MPRIP: variants seen among roughly 807,000 people sequenced by gnomAD.
MPRIP encodes the protein myosin phosphatase Rho-interacting protein.
In MPRIP, 59 loss-of-function variants were observed where a neutral mutation model predicts 234.9. The ratio of observed to expected loss-of-function variants is 0.25; its 90% CI spans 0.20 to 0.31. The LOEUF (loss-of-function observed/expected upper bound fraction) is 0.31. Ranked by LOEUF, MPRIP falls within the 10% of genes least tolerant of loss-of-function variation. The pLI is 1.00. For missense variants in MPRIP, 2,436 were observed against 3,071.0 expected (o/e 0.79, Z 4.89); for synonymous variants, 1,144 against 1,263.9 (o/e 0.91, Z 2.01).
At chr17:17,171,984 T>G in intron 17 of MPRIP, 119 bp downstream of exon 17, 2 of 1,187,068 alleles carry the variant, frequency 1.7e-6, no homozygotes, top group Non-Finnish European at 2.3e-6. Flanking sequence ...TAAACTTCAT[T>G]GTTGAAGGGT....
At position 17,171,558 on chromosome 17, in the gene MPRIP, C is replaced by G. The variant is rs1597505469; in HGVS notation, c.6325-160C>G. On this transcript the variant is annotated intron_variant, in intron 16 of 23. Transcript: ENST00000651222. ...CATTGCTGAGAATCCCCAGACAGCC[C>G]CAGGGATCCTGTTCAGGGCGCCCAT... 2.6e-5 allele frequency: 21 copies of G among 813,030 alleles called. No individual in the cohort carries two copies. In the East Asian group the frequency reaches 5.2e-4, roughly 20 times the overall value. The allele number at this position is 813,030 out of a possible 1,614,324, so 50.4% of individuals were successfully genotyped here. A position where few individuals can be genotyped will look rare whatever the true frequency, so the allele number is the denominator to read the frequency against.
chr17:17,076,890 C>T (rs569141290), intron 2 of MPRIP, among the ~76,000 whole-genome samples: 3 of 150,340 alleles, frequency 2.0e-5, no homozygotes, highest in African/African-American at 4.9e-5. Context: ...AGTCAGTTCA[C>T]GTGGCCTCAC....
At position 17,165,806 on chromosome 17, in the gene MPRIP, G is replaced by A. The variant is rs1438993969; in HGVS notation, c.4215G>A (p.Glu1405=). The A allele has an allele frequency of 7.7e-7, 1 of 1,304,354 alleles. No individual in the cohort carries two copies. Among genetic ancestry groups the A allele is most frequent in the Non-Finnish European group, 1.0e-6 (1 of 988,926 alleles). 80.8% of individuals were successfully genotyped at this position (1,304,354 alleles called of 1,614,324 possible). A position where few individuals can be genotyped will look rare whatever the true frequency, so the allele number is the denominator to read the frequency against. The change falls in exon 16 of 24, where the codon GAG becomes GAA. Residue 1405 remains glutamate (E), a synonymous_variant. Transcript: ENST00000651222. ...EKLKDVTVRL[E]SQQGQSREAL... ...TCAAAGACGTGACCGTGAGGCTGGA[G>A]AGCCAGCAGGGTCAGAGCCGTGAGG...
At position 17,166,043 on chromosome 17, in the gene MPRIP, A is replaced by G. The variant is rs1361481232; in HGVS notation, c.4452A>G (p.Glu1484=). ...QALMCLENCR[E]QLRSLPRASQ... ...TGATGTGCCTGGAAAATTGCCGAGA[A>G]CAACTGAGATCTCTGCCTAGGGCCA... Residue 1484 remains glutamate (E), a synonymous_variant, in exon 16 of 24, where the codon GAA becomes GAG. Coordinates refer to ENST00000651222, the MANE Select transcript of MPRIP (RefSeq NM_001364716.4). This position sits in a 1 kb window ranked among gnomAD's most constrained non-coding sequence, Gnocchi z 4.4. 1 of 1,303,706 alleles carries G rather than the reference A, an allele frequency of 7.7e-7. No individual in the cohort carries two copies. Among genetic ancestry groups the G allele is most frequent in the Non-Finnish European group, 1.0e-6 (1 of 988,674 alleles). The allele number at this position is 1,303,706 out of a possible 1,614,324, so 80.8% of individuals were successfully genotyped here. A position where few individuals can be genotyped will look rare whatever the true frequency, so the allele number is the denominator to read the frequency against.
At chr17:17,168,821 A>T (rs1422088977) in intron 16 of MPRIP, 1 of 456,540 alleles carries the variant, frequency 2.2e-6, no homozygotes, top group African/African-American at 2.0e-5. Context: ...TTCCACGCTC[A>T]TGTGGCAGAG....
chr17:17,101,772 A>G (rs9908767), intron 3 of MPRIP, among the ~76,000 whole-genome samples: 133,161 of 152,256 alleles, frequency 0.87, 58,693 homozygotes, highest in East Asian at 0.99. Flanking sequence ...AGGTACTGCT[A>G]TGGCTCCTGT....
At chr17:17,047,601 G>T (rs2088394950) in intron 1 of MPRIP, among the ~76,000 whole-genome samples, 1 of 152,176 alleles carries the variant, frequency 6.6e-6, no homozygotes, top group Admixed American at 6.5e-5. Context: ...ATTCTCTCCA[G>T]ATCAGTGCTG....
chr17:17,058,937 C>T (rs1315541632), intron 1 of MPRIP, among the ~76,000 whole-genome samples: 1 of 152,134 alleles, frequency 6.6e-6, no homozygotes, highest in Non-Finnish European at 1.5e-5. Flanking sequence ...GAGTGGGTGG[C>T]TAGGTCAGCA....
At chr17:17,148,426 A>G (rs1186015528) in intron 11 of MPRIP, among the ~76,000 whole-genome samples, 4 of 152,242 alleles carry the variant, frequency 2.6e-5, no homozygotes, top group Non-Finnish European at 5.9e-5. Flanking sequence ...AGGTAAAGCC[A>G]CTAGCACTTG....
chr17:17,119,743 C>T (rs891681287), intron 3 of MPRIP, among the ~76,000 whole-genome samples: 1 of 152,194 alleles, frequency 6.6e-6, no homozygotes. Context: ...ATGAGCAAGG[C>T]GACCGCTCAG....
intron 1 of MPRIP, among the ~76,000 whole-genome samples, chr17:17,046,177 T>G (rs1026212957): frequency 5.2e-5 from 8 of 152,394 alleles, no homozygotes; most frequent in African/African-American, 1.9e-4. Context: ...TTTTGTTTTC[T>G]GCTTATCAGC....
intron 3 of MPRIP, among the ~76,000 whole-genome samples, chr17:17,111,161 A>C (rs796240531): frequency 1.4e-5 from 2 of 143,834 alleles, no homozygotes; most frequent in African/African-American, 2.8e-5. Context: ...AAAAAACCAA[A>C]AAAAAAAGAA....
At chr17:17,163,262 C>G (rs1447740161) in intron 15 of MPRIP, among the ~76,000 whole-genome samples, 1 of 152,176 alleles carries the variant, frequency 6.6e-6, no homozygotes, top group Non-Finnish European at 1.5e-5. Flanking sequence ...CCCCGGCCAG[C>G]AGACCGAGAG....
chr17:17,189,514 CTG>C lies in MPRIP; in HGVS notation c.*4623_*4624del, dbSNP rs1465790779. The C allele has an allele frequency of 1.4e-5, 2 of 145,272 alleles. No homozygotes were observed. The highest frequency in any genetic ancestry group is 6.9e-5 in the Admixed American group (1 of 14,566). The allele number at this position is 145,272 out of a possible 1,614,324, so 9.0% of individuals were successfully genotyped here. ...TATAAGATACGGTAAAAAAAAAAAA[CTG>C]TGACCCCTTTGTCACTAAGGGAGAA... On this transcript the variant is annotated 3_prime_UTR_variant, in exon 24 of 24. Transcript: ENST00000651222.
At chr17:17,121,773 A>C (rs749052996) in intron 3 of MPRIP, among the ~76,000 whole-genome samples, 1 of 152,160 alleles carries the variant, frequency 6.6e-6, no homozygotes, top group African/African-American at 2.4e-5. Flanking sequence ...ATTAAGCCTA[A>C]TGCCCATTAG....
intron 3 of MPRIP, among the ~76,000 whole-genome samples, chr17:17,116,908 G>A (rs1302622874): frequency 6.6e-6 from 1 of 152,196 alleles, no homozygotes; most frequent in Non-Finnish European, 1.5e-5. Context: ...GAATCTGCAC[G>A]GTACTCAGCT....
Position 17,183,819 on chromosome 17 carries a change from C to T in MPRIP, c.7207-1004C>T, listed in dbSNP as rs1297897462. ...AGATGGGGTACAGCCTGCAGTTTCACGTTGCTCAGGTTTTTGGTTGAAACT... is the reference window on the plus strand; with the variant it reads ...AGATGGGGTACAGCCTGCAGTTTCATGTTGCTCAGGTTTTTGGTTGAAACT... On this transcript the variant is annotated intron_variant, in intron 23 of 23. Coordinates refer to ENST00000651222, the MANE Select transcript of MPRIP (RefSeq NM_001364716.4). Among the ~76,000 whole-genome samples, 4 of 152,204 alleles carry T rather than the reference C, an allele frequency of 2.6e-5. No homozygotes were observed. The South Asian group carries it at 6.2e-4, about 24-fold the overall frequency.
intron 3 of MPRIP, among the ~76,000 whole-genome samples, chr17:17,115,470 TGAAGGCCTGTTG>T (rs1340755463): frequency 6.6e-6 from 1 of 152,224 alleles, no homozygotes; most frequent in Non-Finnish European, 1.5e-5. Context: ...GATGGAGCCA[TGAAGGCCTGTTG>T]GAAGGCCTGG....
At chr17:17,147,267 C>T (rs2144535184) in intron 10 of MPRIP, 52 bp from the exon 11 acceptor site, 1 of 1,558,402 alleles carries the variant, frequency 6.4e-7, no homozygotes, top group Non-Finnish European at 8.8e-7. Context: ...GCGTGGCAGG[C>T]ATGCTGTATA....
Sources: allele counts gnomAD v4.1 joint callset (sites outside exome capture counted in the v4.1 genomes callset), GRCh38; gene constraint gnomAD v4.1.1; non-coding constraint Gnocchi (gnomAD v3.1); transcripts MANE v1.5; gene names NCBI Gene and HGNC (gene_info 2026-07-23, HGNC 2026-07-21).